IL26: variants seen among roughly 807,000 people sequenced by gnomAD.
IL26 encodes the protein interleukin 26.
In IL26, 23 loss-of-function variants were observed where a neutral mutation model predicts 21.7. That is an observed-to-expected ratio of 1.06 (90% CI 0.76 to 1.50). The LOEUF is 1.50. Ranked by LOEUF, IL26 falls within the 40% of genes most tolerant of loss-of-function variation. The probability of loss-of-function intolerance (pLI) is 0.00; values close to 1 mark genes in which losing one functional copy is unlikely to be tolerated. For synonymous variants in IL26, 63 were observed against 67.8 expected (o/e 0.93, Z 0.34); for missense variants, 204 against 196.0 (o/e 1.04, Z -0.24).
At chr12:68,202,537 G>A (rs943050124) in intron 3 of IL26, among the ~76,000 whole-genome samples, 1 of 152,188 alleles carries the variant, frequency 6.6e-6, no homozygotes. Context: ...ACGGCAGAAG[G>A]TGAAGGGAAA....
At chr12:68,211,067 A>C (rs1349812550) in intron 3 of IL26, among the ~76,000 whole-genome samples, 1 of 152,138 alleles carries the variant, frequency 6.6e-6, no homozygotes, top group Non-Finnish European at 1.5e-5. Flanking sequence ...CCCATTAATC[A>C]ACCTCTCTTC....
Position 68,202,023 on chromosome 12 carries a change from A to G in IL26, c.424T>C (p.Tyr142His). The G allele has an allele frequency of 6.3e-7, 1 of 1,577,388 alleles. No individual in the cohort carries two copies. Among genetic ancestry groups the G allele is most frequent in the Non-Finnish European group, 8.6e-7 (1 of 1,158,172 alleles). Residue 142 changes from tyrosine (Y) to histidine (H), a missense_variant, in exon 4 of 5, where the codon TAT (tyrosine) becomes CAT (histidine). By Grantham distance (83) the Tyr-to-His change is moderately conservative. Transcript: ENST00000229134. ...TAAGGATTTAGAATTCTTACCCTAT[A>G]AAATATTCTTTTCATCCTGGTAATG... The part of the protein sequence containing the change: ...KSITRMKRIF[Y>H]RIGNKGIYKA...
At chr12:68,208,017 G>A (rs1226865211) in intron 3 of IL26, among the ~76,000 whole-genome samples, 1 of 152,218 alleles carries the variant, frequency 6.6e-6, no homozygotes, top group South Asian at 2.1e-4. Flanking sequence ...AAAACCACAT[G>A]TAAGTTGACC....
rs11571026 is a variant in IL26 at position 68,213,769 on chromosome 12, T to G, written c.363+11380A>C. 6.6e-3 allele frequency among the ~76,000 whole-genome samples: 1,009 copies of G among 152,120 alleles called. 17 individuals are homozygous for G. The highest frequency in any genetic ancestry group is 0.024 in the African/African-American group (982 of 41,554). On this transcript the variant is annotated intron_variant, in intron 3 of 4. Transcript: ENST00000229134. ...TTTTATTTTGTATTTTCTCTCTTTT[T>G]CTTAGCTAAATGTCCACTGTTTATC...
At chr12:68,215,048 C>A (rs913798781) in intron 3 of IL26, among the ~76,000 whole-genome samples, 1 of 151,860 alleles carries the variant, frequency 6.6e-6, no homozygotes, top group Non-Finnish European at 1.5e-5. Context: ...TACAAAAAAA[C>A]CTCTTATAAA....
intron 3 of IL26, among the ~76,000 whole-genome samples, chr12:68,216,148 A>G (rs1009591959): frequency 6.6e-6 from 1 of 151,756 alleles, no homozygotes; most frequent in Non-Finnish European, 1.5e-5. Flanking sequence ...AAAATTAGCC[A>G]GGCATGCTGG....
chr12:68,223,894 T>TTTTTTTTTTTC (rs1456343930), intron 3 of IL26, among the ~76,000 whole-genome samples: 1 of 151,124 alleles, frequency 6.6e-6, no homozygotes, highest in Non-Finnish European at 1.5e-5. Context: ...GTTTTTTTTT[T>TTTTTTTTTTTC]TTTTTTTTGC....
At chr12:68,207,913 A>G (rs757061693) in intron 3 of IL26, among the ~76,000 whole-genome samples, 8 of 152,074 alleles carry the variant, frequency 5.3e-5, no homozygotes, top group Non-Finnish European at 5.9e-5. Flanking sequence ...ATTTTTCTTA[A>G]TTTTTCCATA....
intron 3 of IL26, among the ~76,000 whole-genome samples, chr12:68,203,502 A>G (rs995650950): frequency 7.2e-5 from 11 of 152,218 alleles, no homozygotes; most frequent in African/African-American, 2.7e-4. Context: ...GTGACAAAAT[A>G]GTGTCACTAT....
chr12:68,216,411 A>G (rs946315840), intron 3 of IL26, among the ~76,000 whole-genome samples: 3 of 152,238 alleles, frequency 2.0e-5, no homozygotes, highest in African/African-American at 7.2e-5. Context: ...TTGTTGAGAA[A>G]ATGTAATTGG....
chr12:68,208,238 T>A (rs1868598307), intron 3 of IL26, among the ~76,000 whole-genome samples: 1 of 152,036 alleles, frequency 6.6e-6, no homozygotes. Flanking sequence ...AAAAAGTGAC[T>A]TGTGTCTTGA....
chr12:68,213,691 A>G (rs1868796655), intron 3 of IL26, among the ~76,000 whole-genome samples: 1 of 151,880 alleles, frequency 6.6e-6, no homozygotes, highest in African/African-American at 2.4e-5. Flanking sequence ...ATTCTGTAAT[A>G]GTTATTTGTA....
At chr12:68,209,634 CA>C (rs1027710099) in intron 3 of IL26, among the ~76,000 whole-genome samples, 15 of 152,090 alleles carry the variant, frequency 9.9e-5, no homozygotes, top group African/African-American at 3.4e-4. Context: ...CTTGGTGTTC[CA>C]AAAGCCGTGA....
Position 68,218,994 on chromosome 12 carries a change from G to A in IL26, c.363+6155C>T, listed in dbSNP as rs11571009. Among the ~76,000 whole-genome samples, 446 of 151,938 alleles carry A rather than the reference G, an allele frequency of 2.9e-3. 3 individuals are homozygous for A. The highest frequency in any genetic ancestry group is 0.01 in the African/African-American group (433 of 41,500). On this transcript the variant is annotated intron_variant, in intron 3 of 4. Coordinates refer to ENST00000229134, the MANE Select transcript of IL26 (RefSeq NM_018402.2). ...AATGATAAATGTGTCAATTCATCAAGAGAATATAACAATCATAAACATTTC... is the reference window on the plus strand; with the variant it reads ...AATGATAAATGTGTCAATTCATCAAAAGAATATAACAATCATAAACATTTC...
intron 3 of IL26, among the ~76,000 whole-genome samples, chr12:68,207,698 G>C (rs1023988661): frequency 6.6e-5 from 10 of 152,102 alleles, no homozygotes. Flanking sequence ...CCAAAAGGCA[G>C]CAGACAGGTT....
intron 3 of IL26, among the ~76,000 whole-genome samples, chr12:68,203,714 T>C (rs1488600785): frequency 6.6e-6 from 1 of 152,174 alleles, no homozygotes; most frequent in Non-Finnish European, 1.5e-5. Flanking sequence ...GGGGTGTTCA[T>C]GGTGGTGACG....
intron 3 of IL26, among the ~76,000 whole-genome samples, chr12:68,212,741 TG>T (rs1217719551): frequency 2.0e-5 from 3 of 152,162 alleles, no homozygotes; most frequent in Non-Finnish European, 4.4e-5. Flanking sequence ...TATTGATTTT[TG>T]TATCCTGCAA....
At chr12:68,220,783 T>C (rs2041866) in intron 3 of IL26, among the ~76,000 whole-genome samples, 43,706 of 152,050 alleles carry the variant, frequency 0.29, 9,356 homozygotes, top group African/African-American at 0.61. Context: ...ACTACAGGCA[T>C]GCGCCACCGC....
chr12:68,224,296 T>C (rs1372283820), intron 3 of IL26, among the ~76,000 whole-genome samples: 1 of 142,490 alleles, frequency 7.0e-6, no homozygotes, highest in Non-Finnish European at 1.5e-5. Flanking sequence ...TTTTGTTTTG[T>C]TTTGTTTTGT....
Sources: allele counts gnomAD v4.1 joint callset (sites outside exome capture counted in the v4.1 genomes callset), GRCh38; gene constraint gnomAD v4.1.1; transcripts MANE v1.5; gene names NCBI Gene and HGNC (gene_info 2026-07-23, HGNC 2026-07-21).